Variants in ADK observed in about 807,000 individuals in gnomAD.
ADK encodes the protein N6,N6-dimethyladenosine kinase.
Under a neutral mutation model 44.7 loss-of-function variants are expected in ADK, and 24 were observed. The observed-to-expected ratio is 0.54, with a 90% CI of 0.39 to 0.76. The LOEUF is 0.76. Ranked by LOEUF, ADK falls within the 30% of genes least tolerant of loss-of-function variation. The pLI is 0.00. For synonymous variants in ADK, 128 were observed against 142.6 expected (o/e 0.90, Z 0.73); for missense variants, 321 against 425.1 (o/e 0.76, Z 2.15).
chr10:74,386,916 T>G (rs1418779962), intron 4 of ADK, among the ~76,000 whole-genome samples: 1 of 151,542 alleles, frequency 6.6e-6, no homozygotes, highest in African/African-American at 2.4e-5. Flanking sequence ...AGACACAGCA[T>G]GAACCACTAG....
intron 6 of ADK, among the ~76,000 whole-genome samples, chr10:74,418,187 A>C (rs1383478190): frequency 6.6e-6 from 1 of 152,084 alleles, no homozygotes; most frequent in Non-Finnish European, 1.5e-5. Context: ...AGAAACTTGT[A>C]CTCCCCAAAA....
At chr10:74,575,189 G>A (rs1851142317) in intron 7 of ADK, among the ~76,000 whole-genome samples, 1 of 152,104 alleles carries the variant, frequency 6.6e-6, no homozygotes, top group Non-Finnish European at 1.5e-5. Context: ...CTTTATCCTT[G>A]CTATTTGGTA....
chr10:74,512,792 C>T (rs374964248), intron 6 of ADK, among the ~76,000 whole-genome samples: 2 of 151,094 alleles, frequency 1.3e-5, no homozygotes, highest in African/African-American at 2.4e-5. Context: ...TTATTTCTTT[C>T]CTTCCATTAA....
At chr10:74,545,113 A>G (rs977453214) in intron 7 of ADK, among the ~76,000 whole-genome samples, 5 of 151,840 alleles carry the variant, frequency 3.3e-5, no homozygotes, top group African/African-American at 9.7e-5. Flanking sequence ...TTTTCCTTTT[A>G]GTTTAAGGTA....
intron 2 of ADK, among the ~76,000 whole-genome samples, chr10:74,210,166 T>C (rs1245641575): frequency 2.0e-5 from 3 of 151,614 alleles, no homozygotes; most frequent in Non-Finnish European, 4.4e-5. Flanking sequence ...CCCATCTCTA[T>C]TGAAAATAAA....
chr10:74,564,916 A>G (rs767570927), intron 7 of ADK, among the ~76,000 whole-genome samples: 10 of 152,036 alleles, frequency 6.6e-5, no homozygotes, highest in Admixed American at 1.3e-4. Context: ...CTGTTAAACC[A>G]CATAATCCCT....
rs1245826691 is a variant in ADK, at chr10:74,459,004, G to C, written c.555+60425G>C. Among the ~76,000 whole-genome samples, 6 of 152,174 alleles carry C rather than the reference G, an allele frequency of 3.9e-5. No homozygotes were observed. In the East Asian group the frequency reaches 1.2e-3, roughly 29 times the overall value. On this transcript the variant is annotated intron_variant, in intron 6 of 10. Transcript: ENST00000539909. Reference sequence around the variant, plus strand: ...TCTATGAAAAAAAAATTTTGGCCAGGCACGGTGACTTATGCCTATAATCCC... The same window carrying C: ...TCTATGAAAAAAAAATTTTGGCCAGCCACGGTGACTTATGCCTATAATCCC...
At chr10:74,285,947 TA>T (rs1847146783) in intron 3 of ADK, among the ~76,000 whole-genome samples, 1 of 152,210 alleles carries the variant, frequency 6.6e-6, no homozygotes, top group Non-Finnish European at 1.5e-5. Flanking sequence ...CAGATTGACA[TA>T]TACCCTTAAA....
At chr10:74,531,088 C>G (rs1849275958) in intron 7 of ADK, among the ~76,000 whole-genome samples, 1 of 152,144 alleles carries the variant, frequency 6.6e-6, no homozygotes, top group Non-Finnish European at 1.5e-5. Context: ...AGAATCCCAA[C>G]AAGTCTTCAG....
At chr10:74,360,279 A>C (rs1302349220) in intron 4 of ADK, among the ~76,000 whole-genome samples, 1 of 152,138 alleles carries the variant, frequency 6.6e-6, no homozygotes, top group East Asian at 1.9e-4. Context: ...TTATATTTCT[A>C]GTCTAATAAT....
intron 3 of ADK, among the ~76,000 whole-genome samples, chr10:74,240,689 C>T (rs1162373508): frequency 6.6e-6 from 1 of 152,120 alleles, no homozygotes; most frequent in Non-Finnish European, 1.5e-5. Flanking sequence ...TAACGTGTCA[C>T]TGTTTCTGTC....
intron 6 of ADK, among the ~76,000 whole-genome samples, chr10:74,479,694 C>A (rs974771786): frequency 6.6e-6 from 1 of 151,860 alleles, no homozygotes; most frequent in Non-Finnish European, 1.5e-5. Flanking sequence ...TAGCCATTAG[C>A]TTTTCTTTTA....
chr10:74,222,602 G>T (rs1844357682), intron 2 of ADK, among the ~76,000 whole-genome samples: 2 of 152,096 alleles, frequency 1.3e-5, no homozygotes, highest in Non-Finnish European at 2.9e-5. Flanking sequence ...CAAAGACTTG[G>T]AACCAACCCA....
At chr10:74,655,799 C>T (rs1854466451) in intron 9 of ADK, 6 of 503,232 alleles carry the variant, frequency 1.2e-5, no homozygotes, top group South Asian at 1.1e-4. Flanking sequence ...TCAAGCCCAT[C>T]AAGGCAGAGG....
chr10:74,476,956 G>A (rs1289479175), intron 6 of ADK, among the ~76,000 whole-genome samples: 2 of 151,996 alleles, frequency 1.3e-5, no homozygotes, highest in Admixed American at 6.6e-5. Context: ...CATTCTTATT[G>A]TGTGAATCAA....
At chr10:74,576,081 G>GA (rs932289072) in intron 7 of ADK, among the ~76,000 whole-genome samples, 41 of 151,290 alleles carry the variant, frequency 2.7e-4, no homozygotes, top group African/African-American at 9.7e-4. Flanking sequence ...CCACCCCAGA[G>GA]AAAAAAAAGT....
intron 9 of ADK, among the ~76,000 whole-genome samples, chr10:74,667,686 C>T (rs1387538918): frequency 6.6e-6 from 1 of 151,846 alleles, no homozygotes. Context: ...GCATGTGCCA[C>T]CATGCCTGAC....
chr10:74,692,590 A>G (rs1011454508), intron 10 of ADK, among the ~76,000 whole-genome samples: 7 of 152,240 alleles, frequency 4.6e-5, no homozygotes, highest in African/African-American at 1.7e-4. Flanking sequence ...TAAAGGCTAC[A>G]TACTGTGTGA....
chr10:74,176,140 G>A (rs1317259654), intron 1 of ADK, among the ~76,000 whole-genome samples: 1 of 152,200 alleles, frequency 6.6e-6, no homozygotes. Flanking sequence ...TACCTTTCTA[G>A]ATTCGGATAC....
Sources: gnomAD v4.1 joint callset for allele counts (sites outside exome capture counted in the v4.1 genomes callset) on GRCh38, gnomAD v4.1.1 for gene constraint, MANE v1.5 for transcripts, NCBI Gene and HGNC (gene_info 2026-07-23, HGNC 2026-07-21) for gene names.